ADCY2: variants seen among roughly 807,000 people sequenced by gnomAD.
ADCY2 encodes adenylate cyclase 2, also known as adenylate cyclase type 2.
In ADCY2, 31 loss-of-function variants were observed where a neutral mutation model predicts 125.2. The ratio of observed to expected loss-of-function variants is 0.25; its 90% CI spans 0.19 to 0.33. The LOEUF is 0.33. Among genes scored for constraint, ADCY2 ranks in the 10% least tolerant of loss-of-function variants. The pLI, the probability that ADCY2 is intolerant of heterozygous loss-of-function variation, is 1.00. For synonymous variants in ADCY2, 512 were observed against 548.4 expected, an observed-to-expected ratio of 0.93 and a Z score of 0.93; for missense variants, 904 against 1,418.2, an observed-to-expected ratio of 0.64 and a Z score of 5.82.
chr5:7,716,088 CA>C (rs1741583757), intron 11 of ADCY2, among the ~76,000 whole-genome samples: 1 of 152,152 alleles, frequency 6.6e-6, no homozygotes, highest in African/African-American at 2.4e-5. Flanking sequence ...TGCAAATTGT[CA>C]AATTAACCTT....
Position 7,802,192 on chromosome 5 carries a change from T to A in ADCY2, c.2629-26T>A. ...TGTTTAAAGGTCAGTCTCCTAGTGA[T>A]CAGCTCTTGCTTTTCTCCCAAGCAG... On this transcript the variant is annotated intron_variant, in intron 20 of 24. Coordinates refer to ENST00000338316, the MANE Select transcript of ADCY2 (RefSeq NM_020546.3). The surrounding 1 kb of genome is among the most constrained non-coding windows in gnomAD (Gnocchi z 4.6). The A allele has an allele frequency of 6.2e-7, 1 of 1,611,256 alleles. No individual in the cohort carries two copies. The highest frequency in any genetic ancestry group is 8.5e-7 in the Non-Finnish European group (1 of 1,179,148).
In ADCY2 at chr5:7,572,044, C is replaced by T. The variant is rs149299881; in HGVS notation, c.570+51145C>T. On this transcript the variant is annotated intron_variant, in intron 3 of 24. Coordinates refer to ENST00000338316, the MANE Select transcript of ADCY2 (RefSeq NM_020546.3). ...TTTTCTTTATCCAGTCTATCATTGA[C>T]GGGCATTTAGTTTGATTCCATGTCT... Among the ~76,000 whole-genome samples the T allele has an allele frequency of 1.2e-4, 19 of 152,154 alleles. No homozygotes were observed. In the Middle Eastern group the frequency reaches 0.01, roughly 82 times the overall value.
At chr5:7,612,617 G>A (rs1418290229) in intron 3 of ADCY2, among the ~76,000 whole-genome samples, 2 of 152,200 alleles carry the variant, frequency 1.3e-5, no homozygotes, top group Admixed American at 6.5e-5. Context: ...GACAGGAGTC[G>A]TTGGCTGCTC....
At chr5:7,606,742 G>A (rs1002999142) in intron 3 of ADCY2, among the ~76,000 whole-genome samples, 4 of 152,068 alleles carry the variant, frequency 2.6e-5, no homozygotes, top group South Asian at 2.1e-4. Flanking sequence ...GTTATTTTTC[G>A]TTTATCACCG....
chr5:7,761,560 T>C (rs1017066558), intron 16 of ADCY2, among the ~76,000 whole-genome samples: 1 of 152,176 alleles, frequency 6.6e-6, no homozygotes, highest in African/African-American at 2.4e-5. Flanking sequence ...TCACATGCCC[T>C]AGGAAAGTGC....
intron 3 of ADCY2, among the ~76,000 whole-genome samples, chr5:7,583,990 T>C (rs1736531415): frequency 6.6e-6 from 1 of 152,088 alleles, no homozygotes; most frequent in Admixed American, 6.6e-5. Context: ...TACTGAGTGA[T>C]TTTTTTATAT....
At chr5:7,576,138 T>C (rs966299346) in intron 3 of ADCY2, among the ~76,000 whole-genome samples, 38 of 152,172 alleles carry the variant, frequency 2.5e-4, no homozygotes, top group African/African-American at 8.4e-4. Context: ...CCAGCCCCCA[T>C]TGGAGCGGAG....
At chr5:7,485,591 C>T (rs74925601) in intron 2 of ADCY2, among the ~76,000 whole-genome samples, 357 of 152,212 alleles carry the variant, frequency 2.3e-3, no homozygotes, top group Middle Eastern at 0.02. Flanking sequence ...TTTTTTCTTA[C>T]ATCTTAAAAT....
chr5:7,747,896 G>A lies in ADCY2; in HGVS notation c.1956+4144G>A, dbSNP rs143459423. Among the ~76,000 whole-genome samples, 292 of 152,324 alleles carry A rather than the reference G, an allele frequency of 1.9e-3. 3 individuals are homozygous for A. Among genetic ancestry groups the A allele is most frequent in the African/African-American group, 6.5e-3 (269 of 41,572 alleles). ...AATCTGCTTGAAGGAATGTTGGGTT[G>A]CACCCAAGTGCGGTTTCCTGGTACC... On this transcript the variant is annotated intron_variant, in intron 15 of 24. Transcript: ENST00000338316.
At chr5:7,555,571 CA>C (rs1334845974) in intron 3 of ADCY2, among the ~76,000 whole-genome samples, 2 of 152,006 alleles carry the variant, frequency 1.3e-5, no homozygotes, top group Non-Finnish European at 2.9e-5. Context: ...TGTCCATAGT[CA>C]AAAAGCACTT....
At chr5:7,807,130 C>A (rs1744781454) in intron 22 of ADCY2, among the ~76,000 whole-genome samples, 2 of 152,156 alleles carry the variant, frequency 1.3e-5, no homozygotes, top group Admixed American at 1.3e-4. Flanking sequence ...GAGGCACCAC[C>A]ACATGAAGAC....
chr5:7,456,537 G>A (rs1434470798), intron 2 of ADCY2, among the ~76,000 whole-genome samples: 1 of 152,154 alleles, frequency 6.6e-6, no homozygotes, highest in Admixed American at 6.5e-5. Context: ...ATATTATTGC[G>A]ATCAGGCTCA....
rs140310000 is a variant in ADCY2 at position 7,602,822 on chromosome 5, T to C, written c.571-23345T>C. On this transcript the variant is annotated intron_variant, in intron 3 of 24. Transcript: ENST00000338316. ...GGCAAGGCTGTGTTTACTGACTCAATTGGGCTGTTCCAAATATATGAGTCA... is the reference window on the plus strand; with the variant it reads ...GGCAAGGCTGTGTTTACTGACTCAACTGGGCTGTTCCAAATATATGAGTCA... Among the ~76,000 whole-genome samples the C allele has an allele frequency of 3.9e-3, 591 of 152,300 alleles. 6 individuals are homozygous for C. The highest frequency in any genetic ancestry group is 6.7e-3 in the Non-Finnish European group (453 of 68,030).
intron 3 of ADCY2, among the ~76,000 whole-genome samples, chr5:7,624,004 G>A (rs899360004): frequency 2.6e-5 from 4 of 152,176 alleles, no homozygotes; most frequent in East Asian, 1.9e-4. Context: ...ATGTGGGTGC[G>A]TTTTAGGAAC....
intron 2 of ADCY2, among the ~76,000 whole-genome samples, chr5:7,474,738 T>C (rs1347994310): frequency 1.3e-5 from 2 of 152,200 alleles, no homozygotes; most frequent in Non-Finnish European, 2.9e-5. Flanking sequence ...GGTTTTACTG[T>C]AAGCACACTG....
intron 19 of ADCY2, among the ~76,000 whole-genome samples, chr5:7,788,182 T>A (rs1056135346): frequency 3.9e-5 from 6 of 152,132 alleles, no homozygotes; most frequent in Admixed American, 3.9e-4. Context: ...TTTTTGGGGT[T>A]TTGTTTTTGG....
At chr5:7,494,138 C>G (rs1326713608) in intron 2 of ADCY2, among the ~76,000 whole-genome samples, 2 of 152,114 alleles carry the variant, frequency 1.3e-5, no homozygotes, top group African/African-American at 4.8e-5. Flanking sequence ...TGACATGCAC[C>G]CTGCTTTGCT....
intron 22 of ADCY2, among the ~76,000 whole-genome samples, chr5:7,813,115 A>G (rs1744996851): frequency 6.6e-6 from 1 of 152,208 alleles, no homozygotes; most frequent in East Asian, 1.9e-4. Flanking sequence ...TGCAGTTTTT[A>G]TGCTCAGCTG....
intron 3 of ADCY2, among the ~76,000 whole-genome samples, chr5:7,583,237 C>A (rs2126614894): frequency 6.6e-6 from 1 of 151,842 alleles, no homozygotes; most frequent in South Asian, 2.1e-4. Context: ...GAATTGGAAA[C>A]CTCAAACATA....
Sources: gnomAD v4.1 joint callset for allele counts (sites outside exome capture counted in the v4.1 genomes callset) on GRCh38, gnomAD v4.1.1 for gene constraint, Gnocchi (gnomAD v3.1) non-coding constraint, MANE v1.5 for transcripts, NCBI Gene and HGNC (gene_info 2026-07-23, HGNC 2026-07-21) for gene names.